The following TK1 variants were observed in gnomAD, a reference collection of about 807,000 sequenced individuals.
The protein encoded by TK1 is thymidine kinase 1, also known as thymidine kinase, cytosolic.
TK1 carries 13 observed loss-of-function variants against 22.4 expected under a neutral mutation model. The observed-to-expected ratio is 0.58, with a 90% CI of 0.38 to 0.92. TK1 has a LOEUF of 0.92. Among genes scored for constraint, TK1 ranks in the 40% least tolerant of loss-of-function variants. The pLI is 0.00. For synonymous variants in TK1, 134 were observed against 125.4 expected (o/e 1.07, Z -0.46); for missense variants, 251 against 315.7 (o/e 0.80, Z 1.55).
At chr17:78,185,015 G>A (rs1216603943) in intron 3 of TK1, 40 bp downstream of exon 3, 1 of 1,510,250 alleles carries the variant, frequency 6.6e-7, no homozygotes, top group Non-Finnish European at 9.2e-7. Flanking sequence ...TGTGCCTTGT[G>A]ATTTTCCACT....
rs139669321 is a variant in TK1, at chr17:78,174,790, T to A, written c.674A>T (p.Gln225Leu). Reference protein sequence around the residue: ...AVAARKLFAPQQILQCSPAN With the variant: ...AVAARKLFAPLQILQCSPAN ...GGCAGGGCTGCATTGCAGAATCTGC[T>A]GTGGGGCAAAGAGCTTCCTGGCAGC... Residue 225 changes from glutamine (Q) to leucine (L), a missense_variant, in exon 7 of 7, where the codon CAG (glutamine) becomes CTG (leucine). Gln to Leu is a moderately radical substitution (Grantham distance 113). Transcript: ENST00000301634. The A allele has an allele frequency of 4.3e-6, 7 of 1,611,756 alleles. No individual in the cohort carries two copies. The highest frequency in any genetic ancestry group is 5.9e-6 in the Non-Finnish European group (7 of 1,179,094).
rs373229479 is a variant in TK1, at chr17:78,186,724, G to GGAGGGGAGGGGAGGC, written c.98+62_98+63insGCCTCCCCTCCCCTC. 7.8e-5 allele frequency: 104 copies of GGAGGGGAGGGGAGGC among 1,334,988 alleles called. 1 individual carries two copies. The African/African-American group carries it at 1.3e-3, about 17-fold the overall frequency. 82.7% of individuals were successfully genotyped at this position (1,334,988 alleles called of 1,614,324 possible). A position where few individuals can be genotyped will look rare whatever the true frequency, so the allele number is the denominator to read the frequency against. Reference sequence around the variant, plus strand: ...GGAGGGGAGGGAAGGGGAGGGGAGGGACGGGACAAGGGGTCCCCGGAGAAG... The same window carrying GGAGGGGAGGGGAGGC: ...GGAGGGGAGGGAAGGGGAGGGGAGGGGAGGGGAGGGGAGGCACGGGACAAGGGGTCCCCGGAGAAG... On this transcript the variant is annotated intron_variant, in intron 2 of 6. Coordinates refer to ENST00000301634, the MANE Select transcript of TK1 (RefSeq NM_003258.5).
At chr17:78,180,568 C>G (rs1456668544) in intron 4 of TK1, among the ~76,000 whole-genome samples, 1 of 152,078 alleles carries the variant, frequency 6.6e-6, no homozygotes, top group Non-Finnish European at 1.5e-5. Flanking sequence ...CTGGAAAAGT[C>G]TAAGAAAAGA....
At chr17:78,180,019 C>T (rs533603254) in intron 4 of TK1, among the ~76,000 whole-genome samples, 198 of 152,264 alleles carry the variant, frequency 1.3e-3, no homozygotes, top group Non-Finnish European at 2.1e-3. Context: ...TATAGTGAGC[C>T]GAGACTGCGC....
intron 4 of TK1, among the ~76,000 whole-genome samples, chr17:78,181,064 A>G (rs2075734241): frequency 6.6e-6 from 1 of 152,050 alleles, no homozygotes; most frequent in South Asian, 2.1e-4. Flanking sequence ...GCTGGCCAAC[A>G]TGGTGAAACC....
chr17:78,174,535 G>A lies in TK1; in HGVS notation c.*224C>T, dbSNP rs775720370. ...AAGCGGGGCCAGCTCCAGCCTGGGC[G>A]ATCGTCCCAGCAGCTGAGAGGGAAG... On this transcript the variant is annotated 3_prime_UTR_variant, in exon 7 of 7. Transcript: ENST00000301634. The A allele has an allele frequency of 3.3e-4, 185 of 566,936 alleles. No homozygotes were observed. The highest frequency in any genetic ancestry group is 4.7e-4 in the Non-Finnish European group (154 of 327,468). 35.1% of individuals were successfully genotyped at this position (566,936 alleles called of 1,614,324 possible).
At chr17:78,187,112 C>T (rs2075814509), upstream of TK1, 6 of 1,208,482 alleles carry the variant, frequency 5.0e-6, no homozygotes, top group Non-Finnish European at 7.2e-6. Context: ...GAGCCGGCCC[C>T]GCCGCCATGG....
At chr17:78,175,225 C>CTTTTTTTTTTTTTT in intron 5 of TK1, 56 bp from the exon 6 acceptor site, 1 of 1,558,738 alleles carries the variant, frequency 6.4e-7, no homozygotes. Context: ...GTGGGTTTTT[C>CTTTTTTTTTTTTTT]TTTTAAACCC....
rs920936388 is a variant in TK1, at chr17:78,179,391, G to C, written c.303+3198C>G. ...CAACGACGTCTCCACGTACGCAGAG[G>C]CATGGGGGTGCTCAGGGGCGCACCT... On this transcript the variant is annotated intron_variant, in intron 4 of 6. Transcript: ENST00000301634. 3 of 985,242 alleles carry C rather than the reference G, an allele frequency of 3.0e-6. No homozygotes were observed. In the African/African-American group the frequency reaches 5.2e-5, roughly 17 times the overall value. The allele number at this position is 985,242 out of a possible 1,614,324, so 61.0% of individuals were successfully genotyped here.
At position 78,185,178 on chromosome 17, in the gene TK1, A is replaced by C. The variant is rs756289926; in HGVS notation, c.99-13T>G. 2 of 1,610,982 alleles carry C rather than the reference A, an allele frequency of 1.2e-6. No individual in the cohort carries two copies. Among genetic ancestry groups the C allele is most frequent in the South Asian group, 2.2e-5 (2 of 90,946 alleles). On this transcript the variant is annotated splice_polypyrimidine_tract_variant and intron_variant, in intron 2 of 6. Coordinates refer to ENST00000301634, the MANE Select transcript of TK1 (RefSeq NM_003258.5). ...CATCAACTCTGTGCTGCAAGAGGAGAGAGGGTCAGGTGAGGTCCACGGCGG... is the reference window on the plus strand; with the variant it reads ...CATCAACTCTGTGCTGCAAGAGGAGCGAGGGTCAGGTGAGGTCCACGGCGG...
At chr17:78,186,891 A>G in intron 1 of TK1, 38 bp downstream of exon 1, 1 of 1,564,620 alleles carries the variant, frequency 6.4e-7, no homozygotes. Flanking sequence ...CACCACGACC[A>G]CCTCATCCCC....
At chr17:78,181,765 C>G (rs1335546488) in intron 4 of TK1, among the ~76,000 whole-genome samples, 1 of 151,978 alleles carries the variant, frequency 6.6e-6, no homozygotes, top group Non-Finnish European at 1.5e-5. Context: ...CCCACCTCCC[C>G]CTTTTTTTTT....
rs117100385 is a variant in TK1, at chr17:78,182,150, G to A, written c.303+439C>T. ...GCGCTTTGGGAGTTCAAGGCGGGGC[G>A]GATCACCTGAGGTTGGGAGTTTGAG... On this transcript the variant is annotated intron_variant, in intron 4 of 6. Transcript: ENST00000301634. Among the ~76,000 whole-genome samples the A allele has an allele frequency of 2.6e-4, 40 of 152,032 alleles. 1 individual carries two copies. In the East Asian group the frequency reaches 7.2e-3, roughly 27 times the overall value.
Position 78,174,835 on chromosome 17 carries a change from C to G in TK1, c.629G>C (p.Gly210Ala). 2 of 1,613,458 alleles carry G rather than the reference C, an allele frequency of 1.2e-6. No individual in the cohort carries two copies. The highest frequency in any genetic ancestry group is 1.7e-6 in the Non-Finnish European group (2 of 1,179,680). ...GGCAGCCACGGCTTCCCCTGGCTTT[C>G]CTGGCACTGGGCAGTTCTCTTTGTT... ...PDNKENCPVP[G>A]KPGEAVAARK... The change falls in exon 7 of 7, where the codon GGA becomes GCA. Residue 210 changes from glycine (G) to alanine (A), a missense_variant. Coordinates refer to ENST00000301634, the MANE Select transcript of TK1 (RefSeq NM_003258.5).
intron 4 of TK1, chr17:78,179,662 C>T (rs945691948): frequency 2.1e-4 from 203 of 985,312 alleles, no homozygotes; most frequent in Non-Finnish European, 2.2e-4. Flanking sequence ...CTGTGACGTC[C>T]GGGCAGGGTA....
rs898274221 is a variant in TK1, at chr17:78,178,689, G to A, written c.304-3071C>T. 2.0e-4 allele frequency among the ~76,000 whole-genome samples: 30 copies of A among 152,186 alleles called. 1 individual carries two copies. Among genetic ancestry groups the A allele is most frequent in the Non-Finnish European group, 7.3e-5 (5 of 68,038 alleles). ...GAGTTTTGCTCTTGTTGTTGCCCAG[G>A]CTTGGAGTGCAATGGGGCGATCTTG... is the stretch of plus-strand genomic sequence containing the variant. On this transcript the variant is annotated intron_variant, in intron 4 of 6. Coordinates refer to ENST00000301634, the MANE Select transcript of TK1 (RefSeq NM_003258.5).
chr17:78,186,980 G>A lies in TK1; in HGVS notation c.15C>T (p.Asn5=). The A allele has an allele frequency of 6.3e-7, 1 of 1,581,368 alleles. No individual in the cohort carries two copies. Residue 5 remains asparagine (N), a synonymous_variant, in exon 1 of 7, where the codon AAC becomes AAT. Transcript: ENST00000301634. MSCI[N]LPTVLPGSPS... is the part of the protein sequence containing the mutation. ...GGGAGCCAGGCAGCACAGTGGGCAG[G>A]TTAATGCAGCTCATTGCGCCTCCGG...
chr17:78,179,292 A>G, intron 4 of TK1: 1 of 985,430 alleles, frequency 1.0e-6, no homozygotes, highest in African/African-American at 1.7e-5. Context: ...TGGGAGCAAA[A>G]GAGAACAGCT....
At chr17:78,178,373 A>AGT (rs1456981562) in intron 4 of TK1, among the ~76,000 whole-genome samples, 1 of 152,156 alleles carries the variant, frequency 6.6e-6, no homozygotes, top group Non-Finnish European at 1.5e-5. Flanking sequence ...TCTACAGAGC[A>AGT]GTGTGAGCAC....
Sources: allele counts gnomAD v4.1 joint callset (sites outside exome capture counted in the v4.1 genomes callset), GRCh38; gene constraint gnomAD v4.1.1; transcripts MANE v1.5; gene names NCBI Gene and HGNC (gene_info 2026-07-23, HGNC 2026-07-21).